Variants in ITGB1 observed in about 807,000 individuals in gnomAD.
The protein encoded by ITGB1 is integrin subunit beta 1.
In ITGB1, 24 loss-of-function variants were observed where a neutral mutation model predicts 86.5. The ratio of observed to expected loss-of-function variants is 0.28; its 90% CI spans 0.20 to 0.39. ITGB1 has a LOEUF of 0.39. Among genes scored for constraint, ITGB1 ranks in the 10% least tolerant of loss-of-function variants. ITGB1 has a pLI of 1.00. For missense variants in ITGB1, 556 were observed against 946.9 expected, an observed-to-expected ratio of 0.59 and a Z score of 5.42; for synonymous variants, 323 against 316.8, an observed-to-expected ratio of 1.02 and a Z score of -0.21.
intron 5 of ITGB1, among the ~76,000 whole-genome samples, chr10:32,927,671 G>C (rs112694408): frequency 0.067 from 10,140 of 152,186 alleles, 444 homozygotes; most frequent in Middle Eastern, 0.093. Context: ...GCAGATGCCT[G>C]TAATCCCAGC....
At chr10:32,912,400 A>G (rs984658562) in intron 11 of ITGB1, among the ~76,000 whole-genome samples, 1 of 152,214 alleles carries the variant, frequency 6.6e-6, no homozygotes, top group African/African-American at 2.4e-5. Context: ...AGCCAAGGGA[A>G]GCTGTGACAG....
intron 1 of ITGB1, among the ~76,000 whole-genome samples, chr10:32,946,727 A>G (rs922932317): frequency 3.7e-5 from 4 of 107,398 alleles, no homozygotes; most frequent in African/African-American, 1.5e-4. Context: ...ACAAGTGCCA[A>G]TAAGTGGTTT....
At chr10:32,948,877 CT>C (rs1273428244) in intron 1 of ITGB1, among the ~76,000 whole-genome samples, 1 of 150,634 alleles carries the variant, frequency 6.6e-6, no homozygotes, top group African/African-American at 2.4e-5. Context: ...GCAAACCCCC[CT>C]GAAAGGACTA....
At chr10:32,928,701 T>C (rs2094973333) in intron 4 of ITGB1, among the ~76,000 whole-genome samples, 1 of 152,068 alleles carries the variant, frequency 6.6e-6, no homozygotes, top group Non-Finnish European at 1.5e-5. Context: ...ATCTTTACTT[T>C]AGAAAGCCTG....
rs577675363 is a variant in ITGB1, at chr10:32,906,127, G to A, written c.2331+2241C>T. Among the ~76,000 whole-genome samples, 146 of 152,106 alleles carry A rather than the reference G, an allele frequency of 9.6e-4. 1 individual carries two copies. The Middle Eastern group carries it at 0.014, about 14-fold the overall frequency. Reference sequence around the variant, plus strand: ...CTTCTGGCTTTTAATGAAATTTCAAGTTATATTCAAGAAATTGATCTCAAA... The same window carrying A: ...CTTCTGGCTTTTAATGAAATTTCAAATTATATTCAAGAAATTGATCTCAAA... On this transcript the variant is annotated intron_variant, in intron 15 of 15. Transcript: ENST00000302278.
chr10:32,916,284 C>T (rs941418149), intron 11 of ITGB1, among the ~76,000 whole-genome samples: 3 of 152,152 alleles, frequency 2.0e-5, no homozygotes, highest in Admixed American at 2.0e-4. Flanking sequence ...CACTCCTATT[C>T]AACACAGTGT....
At chr10:32,923,266 A>G (rs1346675839) in intron 7 of ITGB1, among the ~76,000 whole-genome samples, 1 of 152,224 alleles carries the variant, frequency 6.6e-6, no homozygotes, top group Non-Finnish European at 1.5e-5. Context: ...GACTAGATAA[A>G]TTATTTATTT....
intron 9 of ITGB1, among the ~76,000 whole-genome samples, chr10:32,921,782 G>T (rs956600701): frequency 6.6e-6 from 1 of 151,334 alleles, no homozygotes; most frequent in Non-Finnish European, 1.5e-5. Context: ...ATATTTTATG[G>T]TATACGTATA....
intron 4 of ITGB1, among the ~76,000 whole-genome samples, chr10:32,928,644 C>G (rs956625568): frequency 4.6e-5 from 7 of 152,254 alleles, no homozygotes; most frequent in Non-Finnish European, 8.8e-5. Flanking sequence ...GAACTCTGTT[C>G]TGTGTGTAGT....
intron 15 of ITGB1, among the ~76,000 whole-genome samples, chr10:32,906,806 A>G (rs943207837): frequency 2.6e-5 from 4 of 152,200 alleles, no homozygotes; most frequent in African/African-American, 4.8e-5. Flanking sequence ...TAAGTGGAAG[A>G]GGTGGGATTT....
chr10:32,910,229 T>C lies in ITGB1; in HGVS notation c.2158A>G (p.Asn720Asp), dbSNP rs1270459374. 2 of 1,601,878 alleles carry C rather than the reference T, an allele frequency of 1.2e-6. No homozygotes were observed. The highest frequency in any genetic ancestry group is 1.7e-6 in the Non-Finnish European group (2 of 1,169,344). The change falls in exon 14 of 16, where the codon AAT (asparagine) becomes GAT (aspartate). Residue 720 changes from asparagine to aspartate, a missense_variant. This residue lies in a region of ITGB1 where 330 missense variants were observed against 531.5 expected (regional missense o/e 0.62). Coordinates refer to ENST00000302278, the MANE Select transcript of ITGB1 (RefSeq NM_002211.4). ...GCAATCATCGCATTTCTACCTGGATTCTCCACAACATGAACCATGACCTCG... is the reference window on the plus strand; with the variant it reads ...GCAATCATCGCATTTCTACCTGGATCCTCCACAACATGAACCATGACCTCG... Reference protein sequence around the residue: ...NNEVMVHVVENPECPTGPDII... With the variant: ...NNEVMVHVVEDPECPTGPDII...
chr10:32,911,389 C>A (rs2094912702), intron 13 of ITGB1, 59 bp downstream of exon 13: 1 of 1,417,948 alleles, frequency 7.1e-7, no homozygotes. Context: ...AGAAACAATA[C>A]AGGCTTAGGA....
chr10:32,906,938 A>C, intron 15 of ITGB1: 1 of 476,246 alleles, frequency 2.1e-6, no homozygotes, highest in Non-Finnish European at 4.0e-6. Flanking sequence ...CAAAAAGAAA[A>C]GCCACAATAG....
intron 1 of ITGB1, among the ~76,000 whole-genome samples, chr10:32,939,004 T>C: frequency 6.6e-6 from 1 of 152,092 alleles, no homozygotes; most frequent in East Asian, 1.9e-4. Flanking sequence ...CCCCTGCACA[T>C]GCGCATGGAA....
chr10:32,944,557 T>C, intron 1 of ITGB1: 1 of 474,684 alleles, frequency 2.1e-6, no homozygotes, highest in Non-Finnish European at 4.1e-6. Flanking sequence ...TAGCTAACGC[T>C]TTCATTGACC....
chr10:32,938,720 C>T (rs2095010380), intron 1 of ITGB1, among the ~76,000 whole-genome samples: 1 of 152,228 alleles, frequency 6.6e-6, no homozygotes, highest in South Asian at 2.1e-4. Context: ...CGACTGGCGA[C>T]TGGCGGGGCA....
chr10:32,902,195 G>C (rs1287333755), intron 15 of ITGB1, among the ~76,000 whole-genome samples: 3 of 152,160 alleles, frequency 2.0e-5, no homozygotes, highest in Non-Finnish European at 4.4e-5. Context: ...AATTTGCTTA[G>C]AATGTTAGAT....
chr10:32,918,025 T>C (rs2094937389), intron 11 of ITGB1, among the ~76,000 whole-genome samples: 1 of 152,140 alleles, frequency 6.6e-6, no homozygotes, highest in Non-Finnish European at 1.5e-5. Context: ...TAAAAAATGA[T>C]GAGTTCACGT....
In ITGB1 at chr10:32,956,227, C is replaced by G. The variant is rs996454926; in HGVS notation, c.-1+1918G>C. On this transcript the variant is annotated intron_variant, in intron 1 of 15. Transcript: ENST00000302278. Reference sequence around the variant, plus strand: ...TATAGTGAGACTCTAAGTCCTAACCCCTCTGGGCCTTGATGTCCACAAATG... The same window carrying G: ...TATAGTGAGACTCTAAGTCCTAACCGCTCTGGGCCTTGATGTCCACAAATG... Among the ~76,000 whole-genome samples the G allele has an allele frequency of 6.9e-4, 105 of 152,080 alleles. 1 individual carries two copies. The highest frequency in any genetic ancestry group is 1.6e-4 in the Non-Finnish European group (11 of 68,026).
Sources: allele counts gnomAD v4.1 joint callset (sites outside exome capture counted in the v4.1 genomes callset), GRCh38; gene constraint gnomAD v4.1.1; regional missense constraint gnomAD v4.1.1; transcripts MANE v1.5; gene names NCBI Gene and HGNC (gene_info 2026-07-23, HGNC 2026-07-21).